Variants in DAB2IP observed in about 807,000 individuals in gnomAD.
The protein encoded by DAB2IP is disabled homolog 2-interacting protein.
DAB2IP carries 28 observed loss-of-function variants against 107.2 expected under a neutral mutation model. That is an observed-to-expected ratio of 0.26 (90% CI 0.19 to 0.36). DAB2IP has a LOEUF of 0.36. DAB2IP is among the 10% of genes least tolerant of loss of function. The pLI is 1.00. For synonymous variants in DAB2IP, 755 were observed against 706.4 expected (o/e 1.07, Z -1.09); for missense variants, 1,400 against 1,644.7 (o/e 0.85, Z 2.57).
chr9:121,722,868 A>T (rs1831018126), intron 3 of DAB2IP, among the ~76,000 whole-genome samples: 1 of 152,154 alleles, frequency 6.6e-6, no homozygotes, highest in African/African-American at 2.4e-5. Context: ...GGCACTATAA[A>T]GCAAAAAGTA....
rs571058950 is a variant in DAB2IP, at chr9:121,766,995, T to G, written c.1697+265T>G. On this transcript the variant is annotated intron_variant, in intron 9 of 15. Coordinates refer to ENST00000408936, the Ensembl canonical transcript of DAB2IP. ...AGACATTTTTTTCCTTCTGCTTTTT[T>G]GAATTAATGTATTATTATAAGGATT... Among the ~76,000 whole-genome samples the G allele has an allele frequency of 7.2e-5, 11 of 152,396 alleles. 1 individual carries two copies. In the South Asian group the frequency reaches 1.7e-3, roughly 23 times the overall value.
chr9:121,725,934 G>A (rs1831218450), intron 3 of DAB2IP, among the ~76,000 whole-genome samples: 1 of 152,218 alleles, frequency 6.6e-6, no homozygotes, highest in Non-Finnish European at 1.5e-5. Context: ...CCTTGGCTGT[G>A]TGTAAGGGTA....
At chr9:121,567,235 C>T (rs769527237) in intron 1 of DAB2IP, 74 of 1,613,870 alleles carry the variant, frequency 4.6e-5, no homozygotes, top group South Asian at 4.5e-4. Flanking sequence ...TACGGTAAGA[C>T]GGTGCCAGCA....
At position 121,760,277 on chromosome 9, in the gene DAB2IP, C is replaced by A; in HGVS notation, c.1008C>A (p.Thr336=). The change falls in exon 6 of 16, where the codon ACC becomes ACA. Residue 336 remains threonine, a synonymous_variant. Transcript: ENST00000408936. This position sits in a 1 kb window ranked among gnomAD's most constrained non-coding sequence, Gnocchi z 5.9. ...TCCGCATCAAGGCGCGCTACCAAAC[C>A]ATCACCATCCTGCCCATGGAGATGT... The A allele has an allele frequency of 6.2e-7, 1 of 1,613,904 alleles. No individual in the cohort carries two copies. Among genetic ancestry groups the A allele is most frequent in the Non-Finnish European group, 8.5e-7 (1 of 1,180,022 alleles).
intron 3 of DAB2IP, among the ~76,000 whole-genome samples, chr9:121,739,813 A>G (rs1215677971): frequency 6.6e-6 from 1 of 152,128 alleles, no homozygotes; most frequent in Non-Finnish European, 1.5e-5. Context: ...ATTTAGAGCT[A>G]TGGGAGTGGA....
chr9:121,673,920 C>A (rs1833784479), intron 1 of DAB2IP, among the ~76,000 whole-genome samples: 1 of 152,234 alleles, frequency 6.6e-6, no homozygotes, highest in Non-Finnish European at 1.5e-5. Flanking sequence ...GTTGAGCTCC[C>A]ACCTGGTGGA....
intron 1 of DAB2IP, among the ~76,000 whole-genome samples, chr9:121,600,378 C>T (rs1032429711): frequency 6.6e-6 from 1 of 152,124 alleles, no homozygotes; most frequent in Non-Finnish European, 1.5e-5. Context: ...CCCCACCTTC[C>T]GTGAAAACAC....
chr9:121,567,403 G>A (rs1440425656), intron 1 of DAB2IP, among the ~76,000 whole-genome samples: 1 of 152,184 alleles, frequency 6.6e-6, no homozygotes, highest in Non-Finnish European at 1.5e-5. Context: ...ACTCAGGGCT[G>A]GAGGGTCCCT....
intron 2 of DAB2IP, among the ~76,000 whole-genome samples, chr9:121,693,125 G>C (rs1055810966): frequency 1.3e-5 from 2 of 152,210 alleles, no homozygotes; most frequent in Non-Finnish European, 2.9e-5. Context: ...TTCTTGAAGC[G>C]TGGATGCTGA....
rs111574080 is a variant in DAB2IP, at chr9:121,636,011, C to G, written c.41-42667C>G. Among the ~76,000 whole-genome samples, 1,242 of 152,302 alleles carry G rather than the reference C, an allele frequency of 8.2e-3. 25 individuals are homozygous for G. Among genetic ancestry groups the G allele is most frequent in the African/African-American group, 0.028 (1,172 of 41,550 alleles). ...CTCTGCCTCCCAGGTTCAAGTGATT[C>G]TCGTGTCTCAGCCTCTTGAGTAGCT... On this transcript the variant is annotated intron_variant, in intron 1 of 16. Coordinates refer to the DAB2IP transcript ENST00000259371.
intron 1 of DAB2IP, chr9:121,567,278 T>C (rs1206652568): frequency 6.2e-7 from 1 of 1,612,598 alleles, no homozygotes; most frequent in Non-Finnish European, 8.5e-7. Flanking sequence ...GCCTCTCTGC[T>C]CAACAGACTT....
At chr9:121,675,031 C>T (rs1470265102) in intron 1 of DAB2IP, among the ~76,000 whole-genome samples, 5 of 151,476 alleles carry the variant, frequency 3.3e-5, no homozygotes, top group Non-Finnish European at 7.4e-5. Flanking sequence ...GTGGGTACCC[C>T]GTGTTTGTTG....
At chr9:121,644,896 C>T (rs976646131) in intron 1 of DAB2IP, among the ~76,000 whole-genome samples, 40 of 152,204 alleles carry the variant, frequency 2.6e-4, no homozygotes, top group African/African-American at 9.2e-4. Context: ...GTTCAGCTGT[C>T]CTCCTCTGTG....
At chr9:121,693,985 T>A (rs894905678) in intron 2 of DAB2IP, among the ~76,000 whole-genome samples, 3 of 151,852 alleles carry the variant, frequency 2.0e-5, no homozygotes, top group Non-Finnish European at 4.4e-5. Context: ...CGGCTGGGAG[T>A]GTGGCACAGA....
At chr9:121,709,036 A>G (rs1830198215) in intron 3 of DAB2IP, among the ~76,000 whole-genome samples, 1 of 152,182 alleles carries the variant, frequency 6.6e-6, no homozygotes, top group Admixed American at 6.5e-5. Flanking sequence ...CGTCCCCCAC[A>G]CCGCCAGTTG....
intron 1 of DAB2IP, among the ~76,000 whole-genome samples, chr9:121,652,335 G>T (rs1832777729): frequency 1.3e-5 from 2 of 152,188 alleles, no homozygotes; most frequent in African/African-American, 2.4e-5. Context: ...AGGACAAGTG[G>T]GTGGACCTCA....
At position 121,701,104 on chromosome 9, in the gene DAB2IP, G is replaced by A. The variant is rs770630350; in HGVS notation, c.362+1646G>A. On this transcript the variant is annotated intron_variant, in intron 3 of 15. Coordinates refer to ENST00000408936, the Ensembl canonical transcript of DAB2IP. This position sits in a 1 kb window ranked among gnomAD's most constrained non-coding sequence, Gnocchi z 4.7. ...GTCAGGACCCTCTGCACCCGCATGC[G>A]GGGGCTTGTGTACGTACCCCGTTTT... 1.1e-4 allele frequency among the ~76,000 whole-genome samples: 16 copies of A among 152,228 alleles called. No homozygotes were observed. Among genetic ancestry groups the A allele is most frequent in the Non-Finnish European group, 1.8e-4 (12 of 68,038 alleles).
rs1834821671 is a variant in DAB2IP at position 121,772,347 on chromosome 9, G to A, written c.2079-260G>A. On this transcript the variant is annotated intron_variant, in intron 11 of 15. Transcript: ENST00000408936. The surrounding 1 kb of genome is among the most constrained non-coding windows in gnomAD (Gnocchi z 4.7). ...TTGTCCCAAGATGCAGCTGAACAGG[G>A]AAGGGGTCTTCCAGGCAGCGCGGCC... Among the ~76,000 whole-genome samples, 1 of 152,196 alleles carries A rather than the reference G, an allele frequency of 6.6e-6. No homozygotes were observed. The highest frequency in any genetic ancestry group is 1.5e-5 in the Non-Finnish European group (1 of 68,032).
At chr9:121,614,012 G>A (rs1412921157) in intron 1 of DAB2IP, among the ~76,000 whole-genome samples, 1 of 152,184 alleles carries the variant, frequency 6.6e-6, no homozygotes, top group Middle Eastern at 3.2e-3. Flanking sequence ...TGAAACTGAT[G>A]TGCTGGGGGG....
Sources: allele counts gnomAD v4.1 joint callset (sites outside exome capture counted in the v4.1 genomes callset), GRCh38; gene constraint gnomAD v4.1.1; non-coding constraint Gnocchi (gnomAD v3.1); transcripts MANE v1.5; gene names NCBI Gene and HGNC (gene_info 2026-07-23, HGNC 2026-07-21).